The following PTPRD variants were observed in gnomAD, a reference collection of about 807,000 sequenced individuals.
The protein encoded by PTPRD is receptor-type tyrosine-protein phosphatase delta.
A neutral mutation model predicts 214.5 loss-of-function variants in PTPRD; 34 were observed. The ratio of observed to expected loss-of-function variants is 0.16; its 90% confidence interval spans 0.12 to 0.21. PTPRD has a LOEUF of 0.21. Among genes scored for constraint, PTPRD ranks in the 10% least tolerant of loss-of-function variants. The probability of loss-of-function intolerance (pLI) is 1.00; values close to 1 mark genes in which losing one functional copy is unlikely to be tolerated. For synonymous variants in PTPRD, 1,128 were observed against 845.7 expected (o/e 1.33, Z -5.79); for missense variants, 2,545 against 2,398.7 (o/e 1.06, Z -1.27).
At chr9:8,510,577 T>C (rs1221378768) in intron 21 of PTPRD, among the ~76,000 whole-genome samples, 1 of 152,172 alleles carries the variant, frequency 6.6e-6, no homozygotes, top group African/African-American at 2.4e-5. Flanking sequence ...TAAAAATTAA[T>C]TGAATTTTAA....
chr9:10,243,798 A>T (rs1422891768), intron 3 of PTPRD, among the ~76,000 whole-genome samples: 3 of 151,972 alleles, frequency 2.0e-5, no homozygotes, highest in Non-Finnish European at 4.4e-5. Flanking sequence ...TTTACAAGTC[A>T]TCCAACCTTT....
chr9:8,967,212 G>C (rs1206742050), intron 11 of PTPRD, among the ~76,000 whole-genome samples: 1 of 152,032 alleles, frequency 6.6e-6, no homozygotes, highest in Non-Finnish European at 1.5e-5. Context: ...ATGTAAATTA[G>C]TCCTGCCACT....
At position 9,283,127 on chromosome 9, in the gene PTPRD, C is replaced by A. The variant is rs182433212; in HGVS notation, c.-202-99764G>T. Among the ~76,000 whole-genome samples, 5 of 151,452 alleles carry A rather than the reference C, an allele frequency of 3.3e-5. No homozygotes were observed. In the East Asian group the frequency reaches 9.8e-4, roughly 30 times the overall value. On this transcript the variant is annotated intron_variant, in intron 9 of 45. Coordinates refer to ENST00000381196, the MANE Select transcript of PTPRD (RefSeq NM_002839.4). Reference sequence around the variant, plus strand: ...TAGGAAAGCTGTTCCTTCTTTGCTTCATTTCCTTTTTATAATTGGACCTCT... The same window carrying A: ...TAGGAAAGCTGTTCCTTCTTTGCTTAATTTCCTTTTTATAATTGGACCTCT...
intron 7 of PTPRD, among the ~76,000 whole-genome samples, chr9:9,702,210 T>C (rs1469389407): frequency 6.6e-6 from 1 of 151,756 alleles, no homozygotes; most frequent in Non-Finnish European, 1.5e-5. Flanking sequence ...TTTATGGGAG[T>C]CATATGAACG....
intron 7 of PTPRD, among the ~76,000 whole-genome samples, chr9:9,681,499 C>G (rs2097070154): frequency 6.6e-6 from 1 of 151,680 alleles, no homozygotes; most frequent in Non-Finnish European, 1.5e-5. Flanking sequence ...GATCTTGACA[C>G]ATAAGCCCTA....
At chr9:9,259,695 C>T (rs1444854769) in intron 9 of PTPRD, among the ~76,000 whole-genome samples, 3 of 151,914 alleles carry the variant, frequency 2.0e-5, no homozygotes, top group Non-Finnish European at 4.4e-5. Flanking sequence ...CTCTTTAAGT[C>T]AAGTATAAAC....
chr9:9,646,341 GT>G (rs2096173416), intron 7 of PTPRD, among the ~76,000 whole-genome samples: 18 of 148,300 alleles, frequency 1.2e-4, no homozygotes, highest in Non-Finnish European at 1.8e-4. Context: ...GTGTGTGTGT[GT>G]GGGTGTGTGT....
chr9:9,297,747 GA>G (rs1406877833), intron 9 of PTPRD, among the ~76,000 whole-genome samples: 1 of 151,550 alleles, frequency 6.6e-6, no homozygotes, highest in Non-Finnish European at 1.5e-5. Flanking sequence ...AAGAAGGATA[GA>G]AAAAATATTG....
chr9:8,342,692 A>G (rs1291037026), intron 39 of PTPRD, among the ~76,000 whole-genome samples: 2 of 152,052 alleles, frequency 1.3e-5, no homozygotes, highest in Non-Finnish European at 2.9e-5. Flanking sequence ...TTTATTGTCC[A>G]TCCCTCATTG....
intron 32 of PTPRD, 28 bp from the exon 33 acceptor site, chr9:8,460,599 T>C (rs1462856374): frequency 7.5e-6 from 12 of 1,594,878 alleles, no homozygotes; most frequent in Non-Finnish European, 1.0e-5. Flanking sequence ...CTATTTCAGT[T>C]ATAAAATAAT....
intron 9 of PTPRD, among the ~76,000 whole-genome samples, chr9:9,316,826 A>C (rs1260562026): frequency 6.6e-6 from 1 of 152,168 alleles, no homozygotes; most frequent in East Asian, 1.9e-4. Context: ...ACTACGTGGT[A>C]ATTCTTTTAT....
intron 3 of PTPRD, among the ~76,000 whole-genome samples, chr9:10,266,063 T>C (rs2094033126): frequency 6.6e-6 from 1 of 152,120 alleles, no homozygotes; most frequent in Non-Finnish European, 1.5e-5. Flanking sequence ...CTTCACGCAA[T>C]ACCTTTTTCA....
At chr9:9,896,275 G>A (rs1410136890) in intron 5 of PTPRD, among the ~76,000 whole-genome samples, 1 of 152,026 alleles carries the variant, frequency 6.6e-6, no homozygotes, top group Non-Finnish European at 1.5e-5. Context: ...AAAGACTTCG[G>A]AAAGTTTTAA....
intron 8 of PTPRD, among the ~76,000 whole-genome samples, chr9:9,567,433 T>C (rs951547904): frequency 1.1e-4 from 17 of 152,076 alleles, no homozygotes; most frequent in African/African-American, 4.1e-4. Context: ...CTCTTGAAGA[T>C]GAAAAGTCAC....
intron 9 of PTPRD, among the ~76,000 whole-genome samples, chr9:9,309,947 A>C (rs922676274): frequency 7.9e-5 from 12 of 152,038 alleles, no homozygotes; most frequent in African/African-American, 2.9e-4. Flanking sequence ...AATGGTGTGA[A>C]GATTTTTTTT....
At chr9:8,704,373 G>C (rs543906543) in intron 12 of PTPRD, among the ~76,000 whole-genome samples, 22 of 152,296 alleles carry the variant, frequency 1.4e-4, no homozygotes, top group African/African-American at 5.3e-4. Context: ...GAGTTACAGG[G>C]AAGGAGGAAA....
intron 11 of PTPRD, among the ~76,000 whole-genome samples, chr9:8,778,283 A>G (rs2095560689): frequency 6.6e-6 from 1 of 152,200 alleles, no homozygotes; most frequent in Non-Finnish European, 1.5e-5. Context: ...TTCCCTTCTT[A>G]AAACTTGAGA....
chr9:8,456,403 T>C (rs1383584936), intron 33 of PTPRD, among the ~76,000 whole-genome samples: 2 of 152,084 alleles, frequency 1.3e-5, no homozygotes, highest in Non-Finnish European at 2.9e-5. Context: ...GCATCCTAGC[T>C]TACTTCCAAA....
intron 10 of PTPRD, among the ~76,000 whole-genome samples, chr9:9,103,379 A>G (rs1176439044): frequency 3.3e-5 from 5 of 152,152 alleles, no homozygotes; most frequent in Admixed American, 3.3e-4. Context: ...CTTTTTTAAA[A>G]AAGATCAGAT....
Sources: allele counts gnomAD v4.1 joint callset (sites outside exome capture counted in the v4.1 genomes callset), GRCh38; gene constraint gnomAD v4.1.1; transcripts MANE v1.5; gene names NCBI Gene and HGNC (gene_info 2026-07-23, HGNC 2026-07-21).